KCNH3: variants seen among roughly 807,000 people sequenced by gnomAD.
KCNH3 encodes the protein voltage-gated inwardly rectifying potassium channel KCNH3.
KCNH3 carries 36 observed loss-of-function variants against 95.6 expected under a neutral mutation model. The ratio of observed to expected loss-of-function variants is 0.38; its 90% confidence interval spans 0.29 to 0.50. The LOEUF is 0.50. KCNH3 is among the 20% of genes least tolerant of loss of function. The probability of loss-of-function intolerance (pLI) is 0.95; values close to 1 mark genes in which losing one functional copy is unlikely to be tolerated. For synonymous variants in KCNH3, 620 were observed against 646.3 expected (o/e 0.96, Z 0.62); for missense variants, 1,030 against 1,484.1 (o/e 0.69, Z 5.03).
intron 12 of KCNH3, 46 bp from the exon 13 acceptor site, chr12:49,556,324 T>C: frequency 7.0e-7 from 1 of 1,420,494 alleles, no homozygotes; most frequent in Non-Finnish European, 1.0e-6. Flanking sequence ...GACCCCACAG[T>C]GGCTGCCTGT....
chr12:49,549,731 C>A, intron 9 of KCNH3, 91 bp downstream of exon 9: 1 of 1,304,142 alleles, frequency 7.7e-7, no homozygotes, highest in Non-Finnish European at 1.1e-6. Flanking sequence ...AGGATGAATG[C>A]AGAATTTTGG....
chr12:49,544,144 C>G, intron 6 of KCNH3, 31 bp from the exon 7 acceptor site: 4 of 1,493,018 alleles, frequency 2.7e-6, no homozygotes, highest in Non-Finnish European at 3.7e-6. Context: ...GCTGACCTCC[C>G]TCCCTCCCTC....
Position 49,557,375 on chromosome 12 carries a change from G to T in KCNH3, c.2674G>T (p.Val892Leu). The T allele has an allele frequency of 6.2e-7, 1 of 1,603,052 alleles. No individual in the cohort carries two copies. The highest frequency in any genetic ancestry group is 8.5e-7 in the Non-Finnish European group (1 of 1,172,356). The change falls in exon 15 of 15, where the codon GTG becomes TTG. Residue 892 changes from valine (V) to leucine (L), a missense_variant. Physicochemically the swap from Val to Leu is conservative, Grantham distance 32. Transcript: ENST00000257981. The part of the protein sequence containing the change: ...RQAVTELSEQ[V>L]LQMREGLQSL... The stretch of plus-strand genomic sequence containing the variant: ...AAAGGTGACAGAGCTGTCAGAGCAG[G>T]TGCTGCAGATGCGGGAAGGACTGCA...
chr12:49,550,160 T>A lies in KCNH3; in HGVS notation c.1749T>A (p.Phe583Leu). ...LHKEVLQLPL[F>L]EAASRGCLRA... is the part of the protein sequence containing the mutation. ...AGGAGGTCCTGCAGCTGCCACTGTT[T>A]GAGGCGGCCAGCCGCGGCTGCCTGC... The change falls in exon 10 of 15, where the codon TTT becomes TTA. Residue 583 changes from phenylalanine (F) to leucine (L), a missense_variant. By Grantham distance (22) the Phe-to-Leu change is conservative (BLOSUM62 0). Around this residue, in one of 9 missense-constraint regions of KCNH3, gnomAD observed 160 missense variants for 316.2 expected, o/e 0.51. Transcript: ENST00000257981. The A allele has an allele frequency of 6.2e-7, 1 of 1,609,792 alleles. No homozygotes were observed. The highest frequency in any genetic ancestry group is 8.5e-7 in the Non-Finnish European group (1 of 1,179,608).
chr12:49,557,513 C>G lies in KCNH3; in HGVS notation c.2812C>G (p.Leu938Val), dbSNP rs142732864. 1.1e-3 allele frequency: 1,830 copies of G among 1,611,856 alleles called. 3 individuals carry two copies. Among genetic ancestry groups the G allele is most frequent in the South Asian group, 1.7e-3 (154 of 91,082 alleles). Residue 938 changes from leucine (L) to valine (V), a missense_variant, in exon 15 of 15, where the codon CTG becomes GTG. Leu to Val is a conservative substitution (Grantham distance 32). Coordinates refer to ENST00000257981, the MANE Select transcript of KCNH3 (RefSeq NM_012284.3). ...CAGCACCTCCGGGCTTCTGCAGCCT[C>G]TGTGTGTGGACACTGGGGCATCCTC... Reference protein sequence around the residue: ...PASTSGLLQPLCVDTGASSYC... With the variant: ...PASTSGLLQPVCVDTGASSYC...
rs752298372 is a variant in KCNH3 at position 49,549,043 on chromosome 12, G to C, written c.1338G>C (p.Pro446=). 6.2e-5 allele frequency: 100 copies of C among 1,611,998 alleles called. No individual in the cohort carries two copies. Among genetic ancestry groups the C allele is most frequent in the Non-Finnish European group, 8.0e-5 (94 of 1,179,630 alleles). Residue 446 remains proline, a synonymous_variant, in exon 8 of 15, where the codon CCG becomes CCC. Transcript: ENST00000257981. ...NGTGLELLGG[P]SLRSAYITSL... is the part of the protein sequence containing the mutation. ...CGGGGCTGGAGCTGCTGGGCGGCCC[G>C]TCGCTGCGCAGCGCCTACATCACCT... is the stretch of plus-strand genomic sequence containing the variant.
chr12:49,549,763 T>G, intron 9 of KCNH3, 123 bp downstream of exon 9: 1 of 948,558 alleles, frequency 1.1e-6, no homozygotes, highest in Non-Finnish European at 1.6e-6. Flanking sequence ...CCCTTCTCTC[T>G]TGAGGGGACA....
rs367606864 is a variant in KCNH3, at chr12:49,557,348, C to A, written c.2653-6C>A. 3.7e-6 allele frequency: 6 copies of A among 1,608,630 alleles called. No individual in the cohort carries two copies. Among genetic ancestry groups the A allele is most frequent in the Non-Finnish European group, 5.1e-6 (6 of 1,176,296 alleles). On this transcript the variant is annotated splice_region_variant and splice_polypyrimidine_tract_variant and intron_variant, in intron 14 of 14. Transcript: ENST00000257981. ...ATTCTGACCTCGCCTCCTCCCTCCC[C>A]CAAAGGTGACAGAGCTGTCAGAGCA...
intron 12 of KCNH3, chr12:49,556,159 G>C (rs1337790972): frequency 1.5e-5 from 9 of 598,106 alleles, no homozygotes; most frequent in Non-Finnish European, 2.7e-5. Context: ...ACGCTGCTCT[G>C]AACTCTTGCA....
chr12:49,544,141 T>TGCCAACCCAACC, intron 6 of KCNH3, 34 bp from the exon 7 acceptor site: 5 of 1,413,406 alleles, frequency 3.5e-6, no homozygotes, highest in Non-Finnish European at 4.8e-6. Context: ...CCCGCTGACC[T>TGCCAACCCAACC]CCCTCCCTCC....
chr12:49,552,658 G>C (rs373138324), intron 10 of KCNH3, among the ~76,000 whole-genome samples: 102 of 152,348 alleles, frequency 6.7e-4, no homozygotes, highest in African/African-American at 2.3e-3. Flanking sequence ...CGCAAAGTCC[G>C]TTGTGAGGAA....
At chr12:49,553,869 T>C (rs1163502249) in intron 10 of KCNH3, among the ~76,000 whole-genome samples, 2 of 152,184 alleles carry the variant, frequency 1.3e-5, no homozygotes, top group African/African-American at 2.4e-5. Context: ...CAAACACTGA[T>C]TCCTGGACAA....
Position 49,553,247 on chromosome 12 carries a change from C to T in KCNH3, c.1919-1090C>T, listed in dbSNP as rs149503138. 2.9e-4 allele frequency among the ~76,000 whole-genome samples: 44 copies of T among 152,200 alleles called. No homozygotes were observed. The East Asian group carries it at 8.3e-3, about 29-fold the overall frequency. ...ACCTACTGGGCTCAAGTGATCCATC[C>T]ACCTCAGTCTCCAGAATAGCTGAGA... On this transcript the variant is annotated intron_variant, in intron 10 of 14. Transcript: ENST00000257981.
rs758386082 is a variant in KCNH3 at position 49,550,175 on chromosome 12, C to A, written c.1764C>A (p.Arg588=). 1.2e-6 allele frequency: 2 copies of A among 1,609,162 alleles called. No individual in the cohort carries two copies. Among genetic ancestry groups the A allele is most frequent in the Non-Finnish European group, 1.7e-6 (2 of 1,179,662 alleles). ...TGCCACTGTTTGAGGCGGCCAGCCG[C>A]GGCTGCCTGCGGGCACTGTCTCTGG... ...LQLPLFEAAS[R]GCLRALSLAL... Residue 588 remains arginine (R), a synonymous_variant, in exon 10 of 15, where the codon CGC becomes CGA. Coordinates refer to ENST00000257981, the MANE Select transcript of KCNH3 (RefSeq NM_012284.3).
At chr12:49,554,609 A>C (rs537405246) in intron 11 of KCNH3, 55 bp downstream of exon 11, 2 of 1,474,404 alleles carry the variant, frequency 1.4e-6, no homozygotes, top group East Asian at 4.6e-5. Context: ...GAGCCTGGTG[A>C]AGTGGGCAGA....
rs533380263 is a variant in KCNH3 at position 49,558,016 on chromosome 12, G to A, written c.*63G>A. ...CCATCTGCTGTTCGGCCCAACCTCA[G>A]AGTGAAGGCAGGGTGGCAGCCTCCC... On this transcript the variant is annotated 3_prime_UTR_variant, in exon 15 of 15. Transcript: ENST00000257981. 1.5e-4 allele frequency: 209 copies of A among 1,418,146 alleles called. No homozygotes were observed. Among genetic ancestry groups the A allele is most frequent in the Admixed American group, 3.5e-4 (14 of 39,478 alleles). 87.8% of individuals were successfully genotyped at this position (1,418,146 alleles called of 1,614,324 possible).
In KCNH3 at chr12:49,541,128, G is replaced by A. The variant is rs781096480; in HGVS notation, c.306G>A (p.Lys102=). ...EFKAELILYR[K]SGLPFWCLLD... is the part of the protein sequence containing the mutation. ...AGGCTGAGCTGATCCTGTACCGGAAGAGCGGTGAGGGGCCACCTGGCCAGC... is the reference window on the plus strand; with the variant it reads ...AGGCTGAGCTGATCCTGTACCGGAAAAGCGGTGAGGGGCCACCTGGCCAGC... The change falls in exon 2 of 15, where the codon AAG becomes AAA. Residue 102 remains lysine (K), a synonymous_variant. Transcript: ENST00000257981. 3.1e-6 allele frequency: 5 copies of A among 1,600,320 alleles called. No homozygotes were observed.
At position 49,541,689 on chromosome 12, in the gene KCNH3, G is replaced by A; in HGVS notation, c.370G>A (p.Ala124Thr). The A allele has an allele frequency of 1.2e-6, 2 of 1,614,186 alleles. No homozygotes were observed. Among genetic ancestry groups the A allele is most frequent in the Non-Finnish European group, 1.7e-6 (2 of 1,180,010 alleles). Residue 124 changes from alanine (A) to threonine (T), a missense_variant, in exon 3 of 15, where the codon GCT becomes ACT. By Grantham distance (58) the Ala-to-Thr change is moderately conservative. This residue lies in a region of KCNH3 where 63 missense variants were observed against 107.7 expected (regional missense o/e 0.59). Transcript: ENST00000257981. Reference protein sequence around the residue: ...IPIKNEKGEVALFLVSHKDIS... With the variant: ...IPIKNEKGEVTLFLVSHKDIS... ...CATAAAGAATGAGAAAGGGGAGGTG[G>A]CTCTCTTCCTAGTCTCTCACAAGGA...
chr12:49,556,799 C>T (rs892441708), intron 13 of KCNH3: 1 of 651,548 alleles, frequency 1.5e-6, no homozygotes, highest in Non-Finnish European at 2.8e-6. Context: ...AACTGAAAGC[C>T]TTAGCCCAAT....
Sources: gnomAD v4.1 joint callset for allele counts (sites outside exome capture counted in the v4.1 genomes callset) on GRCh38, gnomAD v4.1.1 for gene constraint, gnomAD v4.1.1 regional missense constraint, MANE v1.5 for transcripts, NCBI Gene and HGNC (gene_info 2026-07-23, HGNC 2026-07-21) for gene names.